Variants in ESF1 observed in about 807,000 individuals in gnomAD.
The protein encoded by ESF1 is ESF1 homolog.
Under a neutral mutation model 92.0 loss-of-function variants are expected in ESF1, and 58 were observed. That is an observed-to-expected ratio of 0.63 (90% confidence interval 0.51 to 0.78). The LOEUF is 0.78. ESF1 is among the 30% of genes least tolerant of loss of function. ESF1 has a pLI of 0.00. For missense variants in ESF1, 922 were observed against 989.1 expected (o/e 0.93, Z 0.91); for synonymous variants, 321 against 313.7 (o/e 1.02, Z -0.24).
Position 13,760,479 on chromosome 20 carries a change from C to T in ESF1, c.1667-626G>A, listed in dbSNP as rs563284699. ...CTGGGAGGTGAGGAGCGTCTCTGCC[C>T]GGCCGCCCCATCTGAGAAGTGAGGA... On this transcript the variant is annotated intron_variant, in intron 8 of 13. Transcript: ENST00000617257. 1.3e-3 allele frequency among the ~76,000 whole-genome samples: 199 copies of T among 151,168 alleles called. 1 individual carries two copies. Among genetic ancestry groups the T allele is most frequent in the African/African-American group, 4.5e-3 (184 of 41,182 alleles).
intron 11 of ESF1, among the ~76,000 whole-genome samples, chr20:13,727,537 T>A (rs1264426814): frequency 6.6e-6 from 1 of 152,184 alleles, no homozygotes; most frequent in African/African-American, 2.4e-5. Context: ...GGAGCAAGCC[T>A]TTTGGGGTTC....
At chr20:13,781,151 T>G (rs1180500180) in intron 2 of ESF1, among the ~76,000 whole-genome samples, 1 of 152,198 alleles carries the variant, frequency 6.6e-6, no homozygotes, top group Admixed American at 6.5e-5. Context: ...ATTATTGCAT[T>G]TTGTATTATG....
At chr20:13,759,884 G>A in intron 8 of ESF1, 31 bp from the exon 9 acceptor site, 1 of 1,559,966 alleles carries the variant, frequency 6.4e-7, no homozygotes, top group Non-Finnish European at 8.6e-7. Flanking sequence ...TTAATACACA[G>A]AAACAATTCA....
At chr20:13,738,776 T>G (rs2049992438) in intron 9 of ESF1, among the ~76,000 whole-genome samples, 1 of 152,196 alleles carries the variant, frequency 6.6e-6, no homozygotes, top group East Asian at 1.9e-4. Flanking sequence ...GTTTTTCTCT[T>G]GCTGGTAACT....
At chr20:13,719,857 A>G (rs965161740) in intron 11 of ESF1, among the ~76,000 whole-genome samples, 4 of 152,198 alleles carry the variant, frequency 2.6e-5, no homozygotes, top group Non-Finnish European at 5.9e-5. Flanking sequence ...TATAATAATA[A>G]TTTGACAGTC....
chr20:13,717,905 C>A (rs1375622636), intron 12 of ESF1, among the ~76,000 whole-genome samples: 3 of 150,744 alleles, frequency 2.0e-5, no homozygotes, highest in Non-Finnish European at 4.4e-5. Flanking sequence ...TTTTGTGATG[C>A]AAATTATACT....
chr20:13,716,643 T>G (rs928352901), intron 13 of ESF1, among the ~76,000 whole-genome samples: 5 of 129,230 alleles, frequency 3.9e-5, no homozygotes, highest in African/African-American at 1.5e-4. Context: ...TTTTTTTTTC[T>G]TTTTTTTTTT....
Position 13,716,804 on chromosome 20 carries a change from A to ATTTTTTTTTTTTTT in ESF1, c.2262+550_2262+563dup, listed in dbSNP as rs71188180. Among the ~76,000 whole-genome samples, 65 of 45,914 alleles carry ATTTTTTTTTTTTTT rather than the reference A, an allele frequency of 1.4e-3. 8 individuals carry two copies. The highest frequency in any genetic ancestry group is 4.1e-3 in the East Asian group (5 of 1,224). 30.1% of individuals were successfully genotyped at this position (45,914 alleles called of 152,430 possible). On this transcript the variant is annotated intron_variant, in intron 13 of 13. Coordinates refer to ENST00000617257, the MANE Select transcript of ESF1 (RefSeq NM_001276380.2). ...TACAGGTGTGCGCCACTATACCTGG[A>ATTTTTTTTTTTTTT]TTTTTTTTTTTTTTTTTTTTTTTTT...
chr20:13,783,357 A>T (rs1999114), intron 1 of ESF1, among the ~76,000 whole-genome samples, 174 bp from the exon 2 acceptor site: 1 of 152,158 alleles, frequency 6.6e-6, no homozygotes, highest in Admixed American at 6.5e-5. Flanking sequence ...CATGCAAAAA[A>T]GCAGAAACAT....
intron 9 of ESF1, among the ~76,000 whole-genome samples, chr20:13,752,846 A>G (rs1434692769): frequency 6.6e-6 from 1 of 152,166 alleles, no homozygotes; most frequent in Non-Finnish European, 1.5e-5. Context: ...AGGAGGAAAA[A>G]GCAGAACAAA....
intron 4 of ESF1, 48 bp downstream of exon 4, chr20:13,775,109 A>G: frequency 7.5e-7 from 1 of 1,326,960 alleles, no homozygotes; most frequent in Non-Finnish European, 1.0e-6. Flanking sequence ...ATCAGATTTA[A>G]CTTAAAATGC....
intron 9 of ESF1, among the ~76,000 whole-genome samples, chr20:13,752,301 C>T (rs1978674651): frequency 6.6e-6 from 1 of 152,216 alleles, no homozygotes; most frequent in African/African-American, 2.4e-5. Flanking sequence ...ATTTTAGCCA[C>T]TTACCAGCTG....
At chr20:13,740,492 G>T (rs774113729) in intron 9 of ESF1, among the ~76,000 whole-genome samples, 2 of 152,100 alleles carry the variant, frequency 1.3e-5, no homozygotes, top group African/African-American at 2.4e-5. Flanking sequence ...AGATTCAAAG[G>T]GATGGAAAAT....
intron 2 of ESF1, among the ~76,000 whole-genome samples, chr20:13,778,598 T>C (rs369796116): frequency 3.3e-5 from 5 of 152,280 alleles, no homozygotes; most frequent in Admixed American, 6.5e-5. Context: ...TTTTAGAAGT[T>C]TGAGTATCAT....
At chr20:13,751,017 C>T (rs2147752528) in intron 9 of ESF1, among the ~76,000 whole-genome samples, 1 of 152,226 alleles carries the variant, frequency 6.6e-6, no homozygotes, top group East Asian at 1.9e-4. Context: ...CACGAAGATG[C>T]TATACTCAAA....
At chr20:13,759,621 C>A (rs978912847) in intron 9 of ESF1, 71 bp downstream of exon 9, 55 of 1,524,574 alleles carry the variant, frequency 3.6e-5, no homozygotes, top group Middle Eastern at 4.8e-4. Flanking sequence ...ATTTCCGGCT[C>A]CTTCATATTT....
chr20:13,781,724 A>C (rs180726802), intron 2 of ESF1, among the ~76,000 whole-genome samples: 55 of 152,310 alleles, frequency 3.6e-4, no homozygotes, highest in African/African-American at 1.3e-3. Flanking sequence ...GCATCATATA[A>C]GCTAGCGACA....
chr20:13,739,195 TG>T (rs1237024045), intron 9 of ESF1, among the ~76,000 whole-genome samples: 1 of 152,178 alleles, frequency 6.6e-6, no homozygotes, highest in Non-Finnish European at 1.5e-5. Flanking sequence ...CGTTTTTTTT[TG>T]TTGCTGATTG....
intron 1 of ESF1, among the ~76,000 whole-genome samples, chr20:13,784,286 C>CCT (rs1434613729): frequency 2.1e-5 from 3 of 144,782 alleles, no homozygotes; most frequent in African/African-American, 7.6e-5. Context: ...ATTAAGCAAC[C>CCT]CCCCCCCAAA....
Sources: allele counts gnomAD v4.1 joint callset (sites outside exome capture counted in the v4.1 genomes callset), GRCh38; gene constraint gnomAD v4.1.1; transcripts MANE v1.5; gene names NCBI Gene and HGNC (gene_info 2026-07-23, HGNC 2026-07-21).